PVT1: variants seen among roughly 807,000 people sequenced by gnomAD.
PVT1 encodes CXCR4/PVT1 fusion.
At chr8:128,089,331 T>G (rs745777672) in intron 5 of PVT1, among the ~76,000 whole-genome samples, 1 of 152,104 alleles carries the variant, frequency 6.6e-6, no homozygotes, top group Non-Finnish European at 1.5e-5. Flanking sequence ...AGTGTCCTAA[T>G]GTGAAGGAAG....
At chr8:127,948,295 G>A (rs1816451022) in intron 3 of PVT1, 1 of 208,854 alleles carries the variant, frequency 4.8e-6, no homozygotes, top group African/African-American at 2.3e-5. Flanking sequence ...GGTAGGTCCA[G>A]GGCGTTTGGG....
chr8:127,882,257 A>T (rs1815476957), intron 2 of PVT1, among the ~76,000 whole-genome samples: 1 of 152,118 alleles, frequency 6.6e-6, no homozygotes, highest in African/African-American at 2.4e-5. Context: ...ATCCCAGCAC[A>T]CGTTAGGGAG....
At position 127,805,229 on chromosome 8, in the gene PVT1, C is replaced by T. The variant is rs567725006; in HGVS notation, n.372+9158C>T. On this transcript the variant is annotated intron_variant and non_coding_transcript_variant, in intron 2 of 10. Transcript: ENST00000651587. ...ACAGGAGTGAGCCACTGTGCCCAGC[C>T]GTCCATGTCATTTTTATTGGGTAGA... 2.6e-5 allele frequency among the ~76,000 whole-genome samples: 4 copies of T among 152,134 alleles called. No homozygotes were observed. The East Asian group carries it at 5.8e-4, about 22-fold the overall frequency.
At chr8:127,845,909 G>T (rs974259361) in intron 2 of PVT1, among the ~76,000 whole-genome samples, 2 of 152,204 alleles carry the variant, frequency 1.3e-5, no homozygotes, top group African/African-American at 4.8e-5. Context: ...CGGCGGAAAG[G>T]TCACTCCTAT....
chr8:127,812,156 G>T (rs1814601852), intron 2 of PVT1, among the ~76,000 whole-genome samples: 2 of 148,952 alleles, frequency 1.3e-5, no homozygotes, highest in Non-Finnish European at 3.0e-5. Context: ...GGGGAGGAGA[G>T]GGGAGGGGAG....
chr8:127,794,604 G>A (rs994738755), exon 1 of PVT1: 2 of 152,598 alleles, frequency 1.3e-5, no homozygotes, highest in African/African-American at 4.8e-5. Context: ...CGGCCGGGAC[G>A]AGGAGGGGCG....
chr8:127,890,658 G>T (rs1439106717), exon 3 of PVT1: 1 of 152,236 alleles, frequency 6.6e-6, no homozygotes. Context: ...CAGCTGCATG[G>T]AGCTTCGTTC....
At chr8:127,928,108 G>C (rs944497584) in intron 3 of PVT1, among the ~76,000 whole-genome samples, 1 of 152,092 alleles carries the variant, frequency 6.6e-6, no homozygotes, top group Non-Finnish European at 1.5e-5. Flanking sequence ...TGTACTTCCT[G>C]TAAAATCTAG....
intron 3 of PVT1, among the ~76,000 whole-genome samples, chr8:127,983,053 G>A (rs969536307): frequency 1.4e-4 from 21 of 152,266 alleles, no homozygotes; most frequent in African/African-American, 9.6e-5. Context: ...CTTACAGTGC[G>A]TGGGGCCTCG....
At chr8:128,044,041 G>T (rs1813582729) in intron 4 of PVT1, among the ~76,000 whole-genome samples, 1 of 147,290 alleles carries the variant, frequency 6.8e-6, no homozygotes, top group Non-Finnish European at 1.5e-5. Context: ...GTAGAGAAGG[G>T]GTCTCACTAT....
intron 3 of PVT1, among the ~76,000 whole-genome samples, chr8:127,950,165 C>T (rs1335231081): frequency 6.6e-6 from 1 of 152,244 alleles, no homozygotes; most frequent in Non-Finnish European, 1.5e-5. Context: ...CTTCTAATCT[C>T]CCTTTTACTG....
intron 3 of PVT1, among the ~76,000 whole-genome samples, chr8:127,903,171 T>A (rs949434775): frequency 1.3e-5 from 2 of 152,236 alleles, no homozygotes; most frequent in African/African-American, 4.8e-5. Flanking sequence ...TTGATTTGAA[T>A]TTTTCCAATG....
chr8:127,900,375 A>AATAG (rs1394941528), intron 3 of PVT1, among the ~76,000 whole-genome samples: 1 of 152,098 alleles, frequency 6.6e-6, no homozygotes, highest in Non-Finnish European at 1.5e-5. Context: ...TAAAAAAAAA[A>AATAG]ATAGATAAAT....
At chr8:127,909,333 A>T (rs1486576085) in intron 3 of PVT1, among the ~76,000 whole-genome samples, 1 of 152,204 alleles carries the variant, frequency 6.6e-6, no homozygotes, top group Non-Finnish European at 1.5e-5. Context: ...TCTCTCCCCA[A>T]ATCAGGTGAA....
At chr8:128,084,384 A>G (rs1814230491) in intron 5 of PVT1, among the ~76,000 whole-genome samples, 1 of 152,108 alleles carries the variant, frequency 6.6e-6, no homozygotes, top group African/African-American at 2.4e-5. Flanking sequence ...TTCCTTGCAC[A>G]TCTGCCTGGC....
chr8:128,015,557 G>A (rs561168566), intron 4 of PVT1, among the ~76,000 whole-genome samples: 9 of 152,092 alleles, frequency 5.9e-5, no homozygotes, highest in African/African-American at 1.4e-4. Flanking sequence ...GGTAGATCAC[G>A]AGGTCAAGAA....
At chr8:127,863,394 G>T (rs1228243752) in intron 2 of PVT1, among the ~76,000 whole-genome samples, 1 of 152,214 alleles carries the variant, frequency 6.6e-6, no homozygotes, top group Non-Finnish European at 1.5e-5. Flanking sequence ...ACAGGCATGA[G>T]CCACCGTGCC....
At chr8:127,970,190 C>T (rs79983609) in intron 3 of PVT1, among the ~76,000 whole-genome samples, 4,080 of 151,274 alleles carry the variant, frequency 0.027, 88 homozygotes, top group African/African-American at 0.046. Context: ...ACCTTCTCTT[C>T]TCCTTTCTCT....
intron 4 of PVT1, among the ~76,000 whole-genome samples, chr8:128,018,212 T>C (rs1817395753): frequency 6.6e-6 from 1 of 152,132 alleles, no homozygotes; most frequent in Admixed American, 6.5e-5. Flanking sequence ...GGATGCAAAT[T>C]GTTCAAATGG....
Sources: gnomAD v4.1 joint callset for allele counts (sites outside exome capture counted in the v4.1 genomes callset) on GRCh38, gnomAD v4.1.1 for gene constraint, MANE v1.5 for transcripts, NCBI Gene and HGNC (gene_info 2026-07-23, HGNC 2026-07-21) for gene names.